The following GRIP1 variants were observed in gnomAD, a reference collection of about 807,000 sequenced individuals.
GRIP1 encodes the protein glutamate receptor interacting protein 1.
A neutral mutation model predicts 129.9 loss-of-function variants in GRIP1; 45 were observed. That is an observed-to-expected ratio of 0.35 (90% CI 0.27 to 0.44). GRIP1 has a LOEUF of 0.44. Among genes scored for constraint, GRIP1 ranks in the 20% least tolerant of loss-of-function variants. The pLI is 1.00. For missense variants in GRIP1, 1,196 were observed against 1,396.8 expected, an observed-to-expected ratio of 0.86 and a Z score of 2.29; for synonymous variants, 530 against 520.8, an observed-to-expected ratio of 1.02 and a Z score of -0.24.
intron 1 of GRIP1, among the ~76,000 whole-genome samples, chr12:66,694,488 G>T (rs1268111243): frequency 2.0e-5 from 3 of 151,896 alleles, no homozygotes; most frequent in Non-Finnish European, 4.4e-5. Context: ...TTGGCAGATG[G>T]GCACAGTGCC....
intron 5 of GRIP1, among the ~76,000 whole-genome samples, chr12:66,522,459 C>A (rs545725291): frequency 6.6e-6 from 1 of 152,330 alleles, no homozygotes; most frequent in Admixed American, 6.5e-5. Context: ...CTCCAACAGA[C>A]CTGCAGCTGA....
intron 1 of GRIP1, among the ~76,000 whole-genome samples, chr12:66,941,324 A>G (rs2041581854): frequency 6.6e-6 from 1 of 152,232 alleles, no homozygotes; most frequent in African/African-American, 2.4e-5. Flanking sequence ...CATGGAGGTT[A>G]CAATTTCAGT....
chr12:66,585,331 C>T (rs900174186), intron 2 of GRIP1, among the ~76,000 whole-genome samples: 40 of 134,954 alleles, frequency 3.0e-4, no homozygotes, highest in African/African-American at 1.1e-3. Context: ...CAATTCCCAC[C>T]TATGAGTGAG....
intron 19 of GRIP1, among the ~76,000 whole-genome samples, chr12:66,390,681 A>G (rs571228731): frequency 6.6e-6 from 1 of 152,336 alleles, no homozygotes; most frequent in South Asian, 2.1e-4. Flanking sequence ...TCTGGTAACA[A>G]AAATATCTCT....
intron 5 of GRIP1, among the ~76,000 whole-genome samples, chr12:66,528,716 T>C (rs1326964952): frequency 2.0e-5 from 3 of 152,286 alleles, no homozygotes; most frequent in East Asian, 3.9e-4. Context: ...TGTTGAAAAG[T>C]ATAGGATGAC....
chr12:66,967,110 T>C (rs1447944866), intron 1 of GRIP1, among the ~76,000 whole-genome samples: 1 of 152,188 alleles, frequency 6.6e-6, no homozygotes, highest in African/African-American at 2.4e-5. Context: ...CATTTAGTGG[T>C]ATCAGTTGTT....
chr12:66,945,483 T>C (rs544702533), intron 1 of GRIP1, among the ~76,000 whole-genome samples: 283 of 151,584 alleles, frequency 1.9e-3, no homozygotes, highest in African/African-American at 6.6e-3. Context: ...GCGCAGCTTC[T>C]GGGGAGGCCT....
intron 1 of GRIP1, among the ~76,000 whole-genome samples, chr12:66,704,139 T>C (rs2035447309): frequency 6.6e-6 from 1 of 152,032 alleles, no homozygotes. Flanking sequence ...CTCCAAAATA[T>C]CAATTTACAT....
At chr12:66,832,964 T>C (rs1348649402) in intron 1 of GRIP1, among the ~76,000 whole-genome samples, 2 of 152,184 alleles carry the variant, frequency 1.3e-5, no homozygotes, top group South Asian at 2.1e-4. Context: ...CCCTGCAGCA[T>C]GGAGTTTGTG....
At chr12:66,713,523 C>T (rs1440822286) in intron 1 of GRIP1, among the ~76,000 whole-genome samples, 2 of 136,668 alleles carry the variant, frequency 1.5e-5, no homozygotes, top group African/African-American at 2.8e-5. Context: ...GCAGTAGAGA[C>T]CAAAAGTCAA....
At chr12:66,465,496 A>G in intron 7 of GRIP1, 74 bp from the exon 8 acceptor site, 2 of 1,290,892 alleles carry the variant, frequency 1.5e-6, no homozygotes, top group Non-Finnish European at 2.2e-6. Flanking sequence ...AGAGATGAAG[A>G]ATATTCAGTT....
At chr12:66,546,432 G>A (rs1471105030) in intron 2 of GRIP1, among the ~76,000 whole-genome samples, 2 of 152,030 alleles carry the variant, frequency 1.3e-5, no homozygotes, top group African/African-American at 2.4e-5. Context: ...CAAGGCTGCA[G>A]TAAGCTATGA....
chr12:66,389,384 C>T (rs144728822), intron 19 of GRIP1, among the ~76,000 whole-genome samples: 2,532 of 152,096 alleles, frequency 0.017, 78 homozygotes, highest in African/African-American at 0.058. Context: ...TGTGCCACCA[C>T]GCCTGGCTAG....
intron 1 of GRIP1, among the ~76,000 whole-genome samples, chr12:67,003,324 A>G (rs2042579515): frequency 6.6e-6 from 1 of 152,196 alleles, no homozygotes; most frequent in African/African-American, 2.4e-5. Flanking sequence ...TTATAGTATT[A>G]ATACTTTTCC....
chr12:66,952,588 T>C (rs1019667329), intron 1 of GRIP1, among the ~76,000 whole-genome samples: 2 of 152,212 alleles, frequency 1.3e-5, no homozygotes, highest in Non-Finnish European at 2.9e-5. Context: ...TTATTGATCA[T>C]ATCACCTTGC....
chr12:66,473,656 C>G (rs188843354), intron 7 of GRIP1, among the ~76,000 whole-genome samples: 8 of 152,290 alleles, frequency 5.3e-5, no homozygotes, highest in Non-Finnish European at 2.9e-5. Flanking sequence ...TCTTTGCTGT[C>G]CCACAGCTTC....
At chr12:66,645,771 A>C (rs2032313585) in intron 1 of GRIP1, among the ~76,000 whole-genome samples, 1 of 152,200 alleles carries the variant, frequency 6.6e-6, no homozygotes, top group African/African-American at 2.4e-5. Flanking sequence ...TTCTATAGAT[A>C]ATTAAAAATT....
intron 1 of GRIP1, among the ~76,000 whole-genome samples, chr12:67,004,567 G>A (rs902745136): frequency 1.3e-5 from 2 of 152,094 alleles, no homozygotes; most frequent in African/African-American, 4.8e-5. Context: ...CCATGGAAAG[G>A]AGGAGAGTAT....
chr12:66,668,384 C>T (rs889044056), intron 1 of GRIP1, among the ~76,000 whole-genome samples: 6 of 152,152 alleles, frequency 3.9e-5, no homozygotes, highest in African/African-American at 9.7e-5. Context: ...CAATCAGAAA[C>T]TCTGTGGGGT....
Sources: gnomAD v4.1 joint callset for allele counts (sites outside exome capture counted in the v4.1 genomes callset) on GRCh38, gnomAD v4.1.1 for gene constraint, MANE v1.5 for transcripts, NCBI Gene and HGNC (gene_info 2026-07-23, HGNC 2026-07-21) for gene names.